APBA1: variants seen among roughly 807,000 people sequenced by gnomAD.
APBA1 encodes the protein amyloid beta precursor protein binding family A member 1, also known as amyloid-beta A4 precursor protein-binding family A member 1.
In APBA1, 55 loss-of-function variants were observed where a neutral mutation model predicts 86.6. The ratio of observed to expected loss-of-function variants is 0.64; its 90% confidence interval spans 0.51 to 0.80. The LOEUF (loss-of-function observed/expected upper bound fraction) is 0.80, where lower values mean the gene tolerates loss of function less well. Ranked by LOEUF, APBA1 falls within the 30% of genes least tolerant of loss-of-function variation. The pLI is 0.00. For synonymous variants in APBA1, 511 were observed against 493.9 expected (o/e 1.03, Z -0.46); for missense variants, 1,090 against 1,183.0 (o/e 0.92, Z 1.15).
In APBA1 at chr9:69,616,720, C is replaced by G. The variant is rs114240774; in HGVS notation, c.-70+55433G>C. ...GATCTTGACACTGACTACTAGTCAC[C>G]AATCACTTCCTTCTGATGTGGGACC... On this transcript the variant is annotated intron_variant, in intron 1 of 12. Coordinates refer to ENST00000265381, the MANE Select transcript of APBA1 (RefSeq NM_001163.4). Among the ~76,000 whole-genome samples the G allele has an allele frequency of 7.9e-3, 1,208 of 152,238 alleles. 13 individuals carry two copies. Among genetic ancestry groups the G allele is most frequent in the African/African-American group, 0.028 (1,145 of 41,532 alleles).
At chr9:69,573,244 G>C (rs1416375157) in intron 1 of APBA1, among the ~76,000 whole-genome samples, 1 of 152,042 alleles carries the variant, frequency 6.6e-6, no homozygotes, top group Admixed American at 6.6e-5. Flanking sequence ...CACTTTGGGA[G>C]GCCAAGGTGG....
rs985361464 is a variant in APBA1 at position 69,593,727 on chromosome 9, G to C, written c.-69-76448C>G. On this transcript the variant is annotated intron_variant, in intron 1 of 12. Coordinates refer to ENST00000265381, the MANE Select transcript of APBA1 (RefSeq NM_001163.4). Reference sequence around the variant, plus strand: ...AGGTCAATTCTTTCACATTCCCATTGATGCCAATGAAAATCAAAGTAGATA... The same window carrying C: ...AGGTCAATTCTTTCACATTCCCATTCATGCCAATGAAAATCAAAGTAGATA... Among the ~76,000 whole-genome samples the C allele has an allele frequency of 4.6e-5, 7 of 152,174 alleles. 1 individual carries two copies. In the South Asian group the frequency reaches 1.5e-3, roughly 32 times the overall value.
At chr9:69,657,539 T>G (rs1823636390) in intron 1 of APBA1, among the ~76,000 whole-genome samples, 1 of 152,218 alleles carries the variant, frequency 6.6e-6, no homozygotes, top group South Asian at 2.1e-4. Context: ...GAGATCAACA[T>G]TAGCCACTGG....
intron 1 of APBA1, among the ~76,000 whole-genome samples, chr9:69,576,110 C>T (rs1486359627): frequency 6.6e-6 from 1 of 152,180 alleles, no homozygotes; most frequent in Non-Finnish European, 1.5e-5. Context: ...TGAAAAAATG[C>T]TCATCATCAC....
At chr9:69,498,976 G>A (rs1198275796) in intron 2 of APBA1, among the ~76,000 whole-genome samples, 1 of 152,104 alleles carries the variant, frequency 6.6e-6, no homozygotes, top group Non-Finnish European at 1.5e-5. Flanking sequence ...CCTTTTCTGA[G>A]GTCTGCCTGG....
chr9:69,506,236 C>T (rs1250578291), intron 2 of APBA1, among the ~76,000 whole-genome samples: 3 of 151,620 alleles, frequency 2.0e-5, no homozygotes, highest in Non-Finnish European at 2.9e-5. Context: ...CAAAGCAGGG[C>T]GAGGCATTTC....
chr9:69,432,823 C>T (rs1834628810), intron 11 of APBA1, 147 bp from the exon 12 acceptor site: 1 of 808,284 alleles, frequency 1.2e-6, no homozygotes, highest in Non-Finnish European at 1.7e-6. Context: ...CTCTTAGTGT[C>T]TTTTCACAAA....
At chr9:69,504,212 T>C (rs1010418746) in intron 2 of APBA1, among the ~76,000 whole-genome samples, 2 of 152,110 alleles carry the variant, frequency 1.3e-5, no homozygotes, top group African/African-American at 4.8e-5. Flanking sequence ...TATTTCATTA[T>C]TCTAGATAGG....
At chr9:69,530,359 T>C (rs10780507) in intron 1 of APBA1, among the ~76,000 whole-genome samples, 90,609 of 146,074 alleles carry the variant, frequency 0.62, 28,226 homozygotes, top group Non-Finnish European at 0.68. Flanking sequence ...CACACACACA[T>C]GCAACACTAT....
At chr9:69,666,471 A>G (rs1174069601) in intron 1 of APBA1, among the ~76,000 whole-genome samples, 1 of 151,744 alleles carries the variant, frequency 6.6e-6, no homozygotes, top group Non-Finnish European at 1.5e-5. Flanking sequence ...ATATTATGTA[A>G]TTACTTATTT....
chr9:69,621,835 C>T (rs953235432), intron 1 of APBA1, among the ~76,000 whole-genome samples: 1 of 152,214 alleles, frequency 6.6e-6, no homozygotes, highest in African/African-American at 2.4e-5. Context: ...GATCTTTAAT[C>T]TGCTTCCTAC....
chr9:69,661,212 C>G (rs914856281), intron 1 of APBA1, among the ~76,000 whole-genome samples: 2 of 152,080 alleles, frequency 1.3e-5, no homozygotes, highest in Admixed American at 1.3e-4. Flanking sequence ...GACCATATGG[C>G]CCACAAAACC....
intron 1 of APBA1, among the ~76,000 whole-genome samples, chr9:69,611,285 G>GAAAAAAAAAAAAAAAAAA (rs56357426): frequency 2.7e-5 from 3 of 111,912 alleles, no homozygotes; most frequent in Non-Finnish European, 5.3e-5. Flanking sequence ...ACCAGAAAAG[G>GAAAAAAAAAAAAAAAAAA]AAAAAAAAAA....
chr9:69,572,412 C>T (rs1263021020), intron 1 of APBA1, among the ~76,000 whole-genome samples: 2 of 152,142 alleles, frequency 1.3e-5, no homozygotes, highest in Non-Finnish European at 1.5e-5. Context: ...CCTGCATCTC[C>T]CTCACTCCTA....
chr9:69,561,706 T>C (rs367758255), intron 1 of APBA1, among the ~76,000 whole-genome samples: 30 of 152,000 alleles, frequency 2.0e-4, no homozygotes, highest in African/African-American at 6.3e-4. Context: ...CTCGACTCAC[T>C]GCAACTTCCG....
intron 1 of APBA1, among the ~76,000 whole-genome samples, chr9:69,622,648 A>T (rs1336021970): frequency 6.6e-6 from 1 of 152,152 alleles, no homozygotes; most frequent in African/African-American, 2.4e-5. Flanking sequence ...TTTGGGAATA[A>T]AGGGAAATAA....
intron 1 of APBA1, among the ~76,000 whole-genome samples, chr9:69,630,804 T>C (rs1195637884): frequency 6.6e-6 from 1 of 152,190 alleles, no homozygotes; most frequent in Non-Finnish European, 1.5e-5. Flanking sequence ...TAGGTGTTCA[T>C]GTGAAAAAAA....
chr9:69,563,958 C>T (rs1490709042), intron 1 of APBA1, among the ~76,000 whole-genome samples: 2 of 152,120 alleles, frequency 1.3e-5, no homozygotes, highest in Non-Finnish European at 2.9e-5. Context: ...TGCTTGGTGG[C>T]CTTCATTTGA....
chr9:69,590,149 T>G (rs2133964192), intron 1 of APBA1, among the ~76,000 whole-genome samples: 1 of 152,302 alleles, frequency 6.6e-6, no homozygotes, highest in Admixed American at 6.5e-5. Flanking sequence ...TCTTCATTTT[T>G]TAAAAATAAC....
Sources: allele counts gnomAD v4.1 joint callset (sites outside exome capture counted in the v4.1 genomes callset), GRCh38; gene constraint gnomAD v4.1.1; transcripts MANE v1.5; gene names NCBI Gene and HGNC (gene_info 2026-07-23, HGNC 2026-07-21).